L3MBTL4: variants seen among roughly 807,000 people sequenced by gnomAD.
L3MBTL4 encodes the protein L3MBTL histone methyl-lysine binding protein 4, also known as lethal(3)malignant brain tumor-like protein 4.
Under a neutral mutation model 84.5 loss-of-function variants are expected in L3MBTL4, and 70 were observed. That is an observed-to-expected ratio of 0.83 (90% confidence interval 0.68 to 1.01). The LOEUF is 1.01. Ranked by LOEUF, L3MBTL4 falls within the 50% of genes least tolerant of loss-of-function variation. The pLI is 0.00. For synonymous variants in L3MBTL4, 274 were observed against 259.8 expected, an observed-to-expected ratio of 1.05 and a Z score of -0.52; for missense variants, 715 against 754.8, an observed-to-expected ratio of 0.95 and a Z score of 0.62.
chr18:6,349,924 A>G (rs184649), intron 1 of L3MBTL4, among the ~76,000 whole-genome samples: 42,389 of 151,942 alleles, frequency 0.28, 7,877 homozygotes, highest in African/African-American at 0.53. Flanking sequence ...TGTTCACTTC[A>G]TAAAAAAAAT....
chr18:6,240,942 T>C (rs1288983866), intron 8 of L3MBTL4, among the ~76,000 whole-genome samples: 1 of 152,196 alleles, frequency 6.6e-6, no homozygotes, highest in Non-Finnish European at 1.5e-5. Context: ...ACCCCTTCAA[T>C]TAGTACAAAA....
chr18:6,208,115 A>C (rs574698463), intron 12 of L3MBTL4, among the ~76,000 whole-genome samples: 1 of 144,260 alleles, frequency 6.9e-6, no homozygotes, highest in African/African-American at 2.7e-5. Context: ...ACCCTGTCTA[A>C]AAAATAAATA....
intron 4 of L3MBTL4, among the ~76,000 whole-genome samples, chr18:6,286,775 C>G (rs543775976): frequency 6.6e-6 from 1 of 152,134 alleles, no homozygotes; most frequent in Non-Finnish European, 1.5e-5. Context: ...TCACCTCTCT[C>G]TCCCCACCCA....
chr18:6,284,291 A>G (rs2049457843), intron 4 of L3MBTL4, among the ~76,000 whole-genome samples: 2 of 152,226 alleles, frequency 1.3e-5, no homozygotes, highest in African/African-American at 4.8e-5. Flanking sequence ...CAAAACAGCA[A>G]AGCCACATCA....
chr18:6,130,413 C>G (rs2059837982), intron 14 of L3MBTL4, among the ~76,000 whole-genome samples: 1 of 152,026 alleles, frequency 6.6e-6, no homozygotes, highest in African/African-American at 2.4e-5. Flanking sequence ...TAAGAGCACC[C>G]AAAAATATAT....
At chr18:6,249,301 C>T (rs1027887659) in intron 5 of L3MBTL4, among the ~76,000 whole-genome samples, 1 of 152,132 alleles carries the variant, frequency 6.6e-6, no homozygotes, top group Non-Finnish European at 1.5e-5. Flanking sequence ...ACTGAAAGAA[C>T]ATTGTTCATG....
intron 1 of L3MBTL4, among the ~76,000 whole-genome samples, chr18:6,361,171 T>G (rs978679334): frequency 6.6e-6 from 1 of 152,142 alleles, no homozygotes; most frequent in Non-Finnish European, 1.5e-5. Flanking sequence ...AAGCATGTGA[T>G]ACCCAGCAGG....
intron 4 of L3MBTL4, among the ~76,000 whole-genome samples, chr18:6,269,421 C>T (rs1017153511): frequency 2.0e-5 from 3 of 152,142 alleles, no homozygotes; most frequent in Admixed American, 2.0e-4. Context: ...CGCACCACTA[C>T]ACTCCAGCTT....
intron 16 of L3MBTL4, among the ~76,000 whole-genome samples, chr18:5,996,838 T>A (rs2053995066): frequency 6.6e-6 from 1 of 152,186 alleles, no homozygotes; most frequent in Admixed American, 6.5e-5. Context: ...GATACTAAAT[T>A]AATGAATTCC....
intron 10 of L3MBTL4, among the ~76,000 whole-genome samples, chr18:6,229,403 T>A (rs187111112): frequency 6.6e-6 from 1 of 152,270 alleles, no homozygotes; most frequent in East Asian, 1.9e-4. Context: ...GATATGCAAA[T>A]TTTTTCCACT....
chr18:6,272,625 G>C (rs2048932392), intron 4 of L3MBTL4, among the ~76,000 whole-genome samples: 2 of 89,726 alleles, frequency 2.2e-5, no homozygotes, highest in South Asian at 3.9e-4. Flanking sequence ...TCAGGAGCAC[G>C]GGGAAAGGGG....
intron 16 of L3MBTL4, 107 bp from the exon 17 acceptor site, chr18:5,969,669 C>T: frequency 9.1e-7 from 1 of 1,098,632 alleles, no homozygotes. Flanking sequence ...AAAGTGCAGA[C>T]ACCACCAGAA....
chr18:6,349,220 C>T (rs1264834562), intron 1 of L3MBTL4, among the ~76,000 whole-genome samples: 2 of 152,116 alleles, frequency 1.3e-5, no homozygotes, highest in African/African-American at 2.4e-5. Context: ...AATGTATTCA[C>T]CAAAAGACAT....
chr18:6,177,970 T>C (rs1325123333), intron 12 of L3MBTL4, among the ~76,000 whole-genome samples: 1 of 152,164 alleles, frequency 6.6e-6, no homozygotes, highest in Non-Finnish European at 1.5e-5. Context: ...GGAAGTTGTG[T>C]CAAAGCACAA....
At position 6,371,215 on chromosome 18, in the gene L3MBTL4, G is replaced by A. The variant is rs554334002; in HGVS notation, c.-91+43586C>T. ...TAAAAATACTGACAAAACTGGCGGC[G>A]GGCCAGATGTGGCCACTAGGCTATG... On this transcript the variant is annotated intron_variant, in intron 1 of 18. Transcript: ENST00000317931. Among the ~76,000 whole-genome samples, 41 of 152,298 alleles carry A rather than the reference G, an allele frequency of 2.7e-4. 1 individual carries two copies. In the East Asian group the frequency reaches 7.1e-3, roughly 27 times the overall value.
At chr18:6,305,847 G>A (rs956821498) in intron 3 of L3MBTL4, among the ~76,000 whole-genome samples, 2 of 152,330 alleles carry the variant, frequency 1.3e-5, no homozygotes, top group Non-Finnish European at 1.5e-5. Flanking sequence ...TAATTAATTA[G>A]TGTCTACGTT....
At chr18:6,184,320 AT>A (rs574789925) in intron 12 of L3MBTL4, among the ~76,000 whole-genome samples, 3 of 151,854 alleles carry the variant, frequency 2.0e-5, no homozygotes, top group Admixed American at 6.6e-5. Flanking sequence ...CGTATTTTCT[AT>A]TTTTTTTGTT....
chr18:6,318,517 A>AAAAAAAAAAC (rs1568484470), intron 1 of L3MBTL4, among the ~76,000 whole-genome samples: 7 of 146,302 alleles, frequency 4.8e-5, no homozygotes, highest in African/African-American at 1.5e-4. Context: ...AAAAAAAAAA[A>AAAAAAAAAAC]AAAAAAAAGA....
intron 13 of L3MBTL4, among the ~76,000 whole-genome samples, chr18:6,167,029 T>C (rs570115300): frequency 6.6e-5 from 10 of 152,126 alleles, no homozygotes; most frequent in African/African-American, 2.2e-4. Context: ...CAAACTACCA[T>C]CAGAAAATAC....
Sources: allele counts gnomAD v4.1 joint callset (sites outside exome capture counted in the v4.1 genomes callset), GRCh38; gene constraint gnomAD v4.1.1; transcripts MANE v1.5; gene names NCBI Gene and HGNC (gene_info 2026-07-23, HGNC 2026-07-21).